The following SLCO6A1 variants were observed in gnomAD, a reference collection of about 807,000 sequenced individuals.
The protein encoded by SLCO6A1 is solute carrier organic anion transporter family member 6A1.
Under a neutral mutation model 72.7 loss-of-function variants are expected in SLCO6A1, and 65 were observed. That is an observed-to-expected ratio of 0.89 (90% CI 0.73 to 1.10). The LOEUF is 1.10. Ranked by LOEUF, SLCO6A1 falls within the 50% of genes least tolerant of loss-of-function variation. The pLI is 0.00. For synonymous variants in SLCO6A1, 314 were observed against 298.2 expected, an observed-to-expected ratio of 1.05 and a Z score of -0.55; for missense variants, 874 against 872.6, an observed-to-expected ratio of 1.00 and a Z score of -0.02.
At chr5:102,483,927 G>A (rs536220029) in intron 1 of SLCO6A1, among the ~76,000 whole-genome samples, 5 of 152,076 alleles carry the variant, frequency 3.3e-5, no homozygotes, top group Non-Finnish European at 5.9e-5. Flanking sequence ...CAATTCTGCC[G>A]CCTGTGAGTA....
intron 10 of SLCO6A1, among the ~76,000 whole-genome samples, chr5:102,393,746 A>T (rs1189991230): frequency 6.6e-6 from 1 of 151,908 alleles, no homozygotes; most frequent in Non-Finnish European, 1.5e-5. Context: ...CCACTCTCTT[A>T]TTTGAATCCA....
intron 8 of SLCO6A1, among the ~76,000 whole-genome samples, chr5:102,415,371 T>A (rs1748225485): frequency 6.6e-6 from 1 of 152,002 alleles, no homozygotes; most frequent in South Asian, 2.1e-4. Flanking sequence ...CATATATCAA[T>A]GAAATAGAAC....
chr5:102,469,932 G>T (rs559209940), intron 4 of SLCO6A1, among the ~76,000 whole-genome samples: 1 of 152,040 alleles, frequency 6.6e-6, no homozygotes, highest in African/African-American at 2.4e-5. Context: ...GGCTTTTGTC[G>T]TTGGTTCTGT....
intron 1 of SLCO6A1, among the ~76,000 whole-genome samples, chr5:102,494,623 C>A (rs1375345979): frequency 6.6e-6 from 1 of 152,034 alleles, no homozygotes; most frequent in African/African-American, 2.4e-5. Context: ...CAAAGACATA[C>A]AAATGGATAA....
chr5:102,434,724 T>C (rs6596491), intron 7 of SLCO6A1, among the ~76,000 whole-genome samples: 4,168 of 152,260 alleles, frequency 0.027, 130 homozygotes, highest in African/African-American at 0.083. Context: ...GAAAGTACCA[T>C]AGGTCTTATC....
At chr5:102,489,347 T>C (rs1290217041) in intron 1 of SLCO6A1, among the ~76,000 whole-genome samples, 1 of 152,130 alleles carries the variant, frequency 6.6e-6, no homozygotes, top group East Asian at 1.9e-4. Context: ...AAAAGGGGGA[T>C]TTCCAGAAAT....
At chr5:102,391,283 T>TC in intron 10 of SLCO6A1, 1 of 484,238 alleles carries the variant, frequency 2.1e-6, no homozygotes, top group Non-Finnish European at 3.7e-6. Flanking sequence ...AGAAGGTTTT[T>TC]ATGGCCCAAA....
intron 6 of SLCO6A1, among the ~76,000 whole-genome samples, chr5:102,446,394 G>C (rs1325659609): frequency 6.6e-6 from 1 of 152,090 alleles, no homozygotes; most frequent in Non-Finnish European, 1.5e-5. Flanking sequence ...GTAGAGAAAT[G>C]CTACTGATTT....
intron 7 of SLCO6A1, among the ~76,000 whole-genome samples, chr5:102,433,128 T>G (rs1332185226): frequency 6.6e-6 from 1 of 152,232 alleles, no homozygotes; most frequent in Non-Finnish European, 1.5e-5. Flanking sequence ...TCAAGTCAGT[T>G]ATGTTCTTTT....
chr5:102,395,124 T>C (rs1198030179), intron 10 of SLCO6A1, among the ~76,000 whole-genome samples: 1 of 152,150 alleles, frequency 6.6e-6, no homozygotes, highest in East Asian at 1.9e-4. Context: ...TGTGTCATGT[T>C]GGTGTGATGC....
At chr5:102,468,985 T>A (rs1210834218) in intron 4 of SLCO6A1, among the ~76,000 whole-genome samples, 5 of 152,302 alleles carry the variant, frequency 3.3e-5, no homozygotes, top group Admixed American at 2.0e-4. Flanking sequence ...TGTAGTGTTA[T>A]TTCTGAGGCC....
intron 4 of SLCO6A1, among the ~76,000 whole-genome samples, chr5:102,465,519 T>C (rs1751268132): frequency 6.6e-6 from 1 of 152,176 alleles, no homozygotes; most frequent in African/African-American, 2.4e-5. Flanking sequence ...TGTGCATTCA[T>C]GTATTTATCT....
At chr5:102,434,099 T>A (rs899721983) in intron 7 of SLCO6A1, among the ~76,000 whole-genome samples, 47 of 152,078 alleles carry the variant, frequency 3.1e-4, no homozygotes, top group African/African-American at 1.1e-3. Context: ...ACATAACTAC[T>A]AATATATTTA....
chr5:102,473,023 G>A (rs1751707060), intron 4 of SLCO6A1, among the ~76,000 whole-genome samples: 1 of 151,986 alleles, frequency 6.6e-6, no homozygotes, highest in Non-Finnish European at 1.5e-5. Flanking sequence ...GGGCCAGATA[G>A]CTTCACTGGA....
At chr5:102,411,239 TTGTG>T (rs1419314388) in intron 9 of SLCO6A1, among the ~76,000 whole-genome samples, 6 of 151,294 alleles carry the variant, frequency 4.0e-5, no homozygotes, top group Non-Finnish European at 8.9e-5. Context: ...GTGTGTGTGT[TTGTG>T]TGTGTATGTG....
intron 6 of SLCO6A1, among the ~76,000 whole-genome samples, chr5:102,449,185 T>C (rs1175892305): frequency 6.6e-6 from 1 of 152,172 alleles, no homozygotes; most frequent in Non-Finnish European, 1.5e-5. Flanking sequence ...TTCCAGAATA[T>C]AGACCCCCAA....
chr5:102,395,771 T>C (rs1747038643), intron 10 of SLCO6A1, among the ~76,000 whole-genome samples: 1 of 152,192 alleles, frequency 6.6e-6, no homozygotes, highest in African/African-American at 2.4e-5. Flanking sequence ...TGGTTTTGAT[T>C]TGCATTTCTC....
intron 1 of SLCO6A1, among the ~76,000 whole-genome samples, chr5:102,483,569 C>A (rs1450598494): frequency 6.6e-6 from 1 of 152,128 alleles, no homozygotes; most frequent in Admixed American, 6.5e-5. Context: ...AGAATATTTT[C>A]TCATAGGATA....
At chr5:102,410,007 T>C (rs1747885850) in intron 9 of SLCO6A1, among the ~76,000 whole-genome samples, 1 of 152,210 alleles carries the variant, frequency 6.6e-6, no homozygotes, top group Middle Eastern at 3.4e-3. Context: ...CTTTGGGGTG[T>C]CACTTTGGAG....
Sources: gnomAD v4.1 joint callset for allele counts (sites outside exome capture counted in the v4.1 genomes callset) on GRCh38, gnomAD v4.1.1 for gene constraint, MANE v1.5 for transcripts, NCBI Gene and HGNC (gene_info 2026-07-23, HGNC 2026-07-21) for gene names.